CLASP2: variants seen among roughly 807,000 people sequenced by gnomAD.
CLASP2 encodes cytoplasmic linker associated protein 2.
Under a neutral mutation model 194.4 loss-of-function variants are expected in CLASP2, and 47 were observed. The ratio of observed to expected loss-of-function variants is 0.24; its 90% CI spans 0.19 to 0.31. The LOEUF (loss-of-function observed/expected upper bound fraction) is 0.31. Ranked by LOEUF, CLASP2 falls within the 10% of genes least tolerant of loss-of-function variation. The pLI is 1.00. For missense variants in CLASP2, 1,445 were observed against 1,823.6 expected (o/e 0.79, Z 3.78); for synonymous variants, 619 against 633.5 (o/e 0.98, Z 0.34).
At chr3:33,708,505 T>TAC (rs1491501234) in intron 1 of CLASP2, among the ~76,000 whole-genome samples, 3 of 78,642 alleles carry the variant, frequency 3.8e-5, no homozygotes, top group African/African-American at 9.9e-5. Context: ...TATATATATA[T>TAC]GTATATATAT....
intron 7 of CLASP2, among the ~76,000 whole-genome samples, chr3:33,646,995 T>C (rs2154314346): frequency 6.6e-6 from 1 of 152,312 alleles, no homozygotes; most frequent in East Asian, 1.9e-4. Flanking sequence ...GGAAGGATAA[T>C]GTTTGGAAGA....
intron 33 of CLASP2, among the ~76,000 whole-genome samples, chr3:33,538,030 A>G (rs564496302): frequency 2.0e-5 from 3 of 152,144 alleles, no homozygotes; most frequent in East Asian, 1.9e-4. Flanking sequence ...AGTCCCAGCT[A>G]CTCAGGAGGC....
chr3:33,581,777 C>G, intron 23 of CLASP2, 44 bp downstream of exon 23: 3 of 1,346,950 alleles, frequency 2.2e-6, no homozygotes, highest in Non-Finnish European at 3.2e-6. Context: ...ATAGTGATAA[C>G]ACCATGGATA....
intron 8 of CLASP2, among the ~76,000 whole-genome samples, chr3:33,642,067 C>A (rs2081406610): frequency 6.6e-6 from 1 of 151,844 alleles, no homozygotes; most frequent in Admixed American, 6.6e-5. Flanking sequence ...GCATATGCTA[C>A]AAGGAGGTAG....
At chr3:33,686,008 T>G (rs1232539688) in intron 5 of CLASP2, among the ~76,000 whole-genome samples, 1 of 152,066 alleles carries the variant, frequency 6.6e-6, no homozygotes, top group Middle Eastern at 3.2e-3. Context: ...TTTTATATTG[T>G]ATTTGCTATA....
At chr3:33,534,937 T>C (rs1430618217) in intron 34 of CLASP2, among the ~76,000 whole-genome samples, 2 of 152,160 alleles carry the variant, frequency 1.3e-5, no homozygotes, top group East Asian at 1.9e-4. Context: ...ACCAAATAAA[T>C]TGTGTCTAGA....
chr3:33,546,114 G>C (rs1350128491), intron 30 of CLASP2, among the ~76,000 whole-genome samples: 3 of 152,082 alleles, frequency 2.0e-5, no homozygotes, highest in Admixed American at 2.0e-4. Flanking sequence ...TTGAGCAAAT[G>C]AACTAGTAAT....
intron 13 of CLASP2, among the ~76,000 whole-genome samples, chr3:33,611,539 A>T (rs2075177654): frequency 6.6e-6 from 1 of 152,238 alleles, no homozygotes; most frequent in Non-Finnish European, 1.5e-5. Flanking sequence ...AAGACCTGAT[A>T]GGGCTATATA....
chr3:33,678,620 T>C (rs1027647895), intron 6 of CLASP2, among the ~76,000 whole-genome samples: 7 of 152,126 alleles, frequency 4.6e-5, no homozygotes, highest in African/African-American at 1.7e-4. Context: ...TTGTTGCCAG[T>C]AGTGCAAGAA....
chr3:33,576,276 C>G lies in CLASP2; in HGVS notation c.2348-1G>C. 2 of 1,610,320 alleles carry G rather than the reference C, an allele frequency of 1.2e-6. No homozygotes were observed. Among genetic ancestry groups the G allele is most frequent in the Non-Finnish European group, 1.7e-6 (2 of 1,177,000 alleles). ...GATTGGCTGATCCCATAACCTGGAC[C>G]TAATTCATCAAAAGAAGGAAAATAG... On this transcript the variant is annotated splice_acceptor_variant, in intron 23 of 38. Coordinates refer to ENST00000682230, the MANE Select transcript of CLASP2 (RefSeq NM_001365631.1). LOFTEE classifies it high-confidence loss of function.
Position 33,510,559 on chromosome 3 carries a change from T to C in CLASP2, c.4316A>G (p.Gln1439Arg). The C allele has an allele frequency of 3.1e-6, 5 of 1,613,558 alleles. No homozygotes were observed. Among genetic ancestry groups the C allele is most frequent in the Non-Finnish European group, 4.2e-6 (5 of 1,179,506 alleles). ...LLPEIMPGLI[Q>R]GYDNSESSVR... ...TCCTCTCCAAGCTTTGTTGCTTACC[T>C]GTATTAGACCTGGCATAATCTCTGG... Residue 1439 changes from glutamine (Q) to arginine (R), a missense_variant and splice_region_variant, in exon 37 of 39, where the codon CAG (glutamine) becomes CGG (arginine). This residue lies in a region of CLASP2 where 732 missense variants were observed against 987.9 expected (regional missense o/e 0.74). Coordinates refer to ENST00000682230, the MANE Select transcript of CLASP2 (RefSeq NM_001365631.1).
At chr3:33,564,673 C>G (rs2062372005) in intron 27 of CLASP2, among the ~76,000 whole-genome samples, 1 of 152,146 alleles carries the variant, frequency 6.6e-6, no homozygotes, top group Non-Finnish European at 1.5e-5. Flanking sequence ...ACACTGCAGC[C>G]TCAAACTTCT....
In CLASP2 at chr3:33,501,748, G is replaced by A. The variant is rs541860094; in HGVS notation, c.4338C>T (p.Ser1446=). The part of the protein sequence containing the change: ...GLIQGYDNSE[S]SVRKACVFCL... ...AGAAGACACAAGCTTTCCGAACACT[G>A]CTCTCTGAATTATCATAACCCTACG... The change falls in exon 38 of 39, where the codon AGC becomes AGT. Residue 1446 remains serine (S), a synonymous_variant. Transcript: ENST00000682230. 3.7e-6 allele frequency: 6 copies of A among 1,612,772 alleles called. No homozygotes were observed. The African/African-American group carries it at 8.0e-5, about 22-fold the overall frequency.
chr3:33,636,364 T>C (rs2080136068), intron 8 of CLASP2, among the ~76,000 whole-genome samples: 1 of 152,060 alleles, frequency 6.6e-6, no homozygotes, highest in Admixed American at 6.6e-5. Flanking sequence ...ACATCTATAC[T>C]GTGCTCCAAT....
chr3:33,581,482 G>A (rs570231235), intron 23 of CLASP2, among the ~76,000 whole-genome samples: 11 of 152,082 alleles, frequency 7.2e-5, no homozygotes, highest in Non-Finnish European at 1.0e-4. Context: ...AAACTAGTCC[G>A]CATTTCACTT....
At chr3:33,571,967 C>T (rs2063874271) in intron 25 of CLASP2, among the ~76,000 whole-genome samples, 1 of 152,188 alleles carries the variant, frequency 6.6e-6, no homozygotes, top group Admixed American at 6.5e-5. Context: ...AAGAAAAATA[C>T]AATTATCCTT....
intron 6 of CLASP2, among the ~76,000 whole-genome samples, chr3:33,670,603 A>C (rs2086985422): frequency 6.6e-6 from 1 of 152,218 alleles, no homozygotes; most frequent in South Asian, 2.1e-4. Flanking sequence ...CGCACCAAAA[A>C]TTAGAGATGG....
chr3:33,691,602 T>C (rs995038346), intron 2 of CLASP2, among the ~76,000 whole-genome samples: 1 of 152,196 alleles, frequency 6.6e-6, no homozygotes, highest in Non-Finnish European at 1.5e-5. Context: ...TTCTCATACA[T>C]CTTGGATGTA....
chr3:33,498,464 G>A lies in CLASP2; in HGVS notation c.*167C>T, dbSNP rs1458966796. The stretch of plus-strand genomic sequence containing the variant: ...CTATCATAAAAGTTACATGCAGACT[G>A]AGGATAGTCCTCTGTTACAGAAAAT... On this transcript the variant is annotated 3_prime_UTR_variant, in exon 39 of 39. Coordinates refer to ENST00000682230, the MANE Select transcript of CLASP2 (RefSeq NM_001365631.1). 4 of 490,658 alleles carry A rather than the reference G, an allele frequency of 8.2e-6. No individual in the cohort carries two copies. Among genetic ancestry groups the A allele is most frequent in the Admixed American group, 3.6e-5 (1 of 27,854 alleles). 30.4% of individuals were successfully genotyped at this position (490,658 alleles called of 1,614,324 possible). A position where few individuals can be genotyped will look rare whatever the true frequency, so the allele number is the denominator to read the frequency against.
Sources: allele counts gnomAD v4.1 joint callset (sites outside exome capture counted in the v4.1 genomes callset), GRCh38; gene constraint gnomAD v4.1.1; regional missense constraint gnomAD v4.1.1; transcripts MANE v1.5; gene names NCBI Gene and HGNC (gene_info 2026-07-23, HGNC 2026-07-21).